CHST8: variants seen among roughly 807,000 people sequenced by gnomAD.
The protein encoded by CHST8 is GALNAC-4-ST1.
In CHST8, 10 loss-of-function variants were observed where a neutral mutation model predicts 15.0. That is an observed-to-expected ratio of 0.67 (90% CI 0.41 to 1.13). The LOEUF is 1.13. Among genes scored for constraint, CHST8 ranks in the 50% most tolerant of loss-of-function variants. The pLI is 0.00. For missense variants in CHST8, 634 were observed against 608.2 expected (o/e 1.04, Z -0.45); for synonymous variants, 259 against 256.6 (o/e 1.01, Z -0.09).
chr19:33,747,005 A>G (rs1438032253), intron 3 of CHST8, among the ~76,000 whole-genome samples: 1 of 152,190 alleles, frequency 6.6e-6, no homozygotes, highest in Non-Finnish European at 1.5e-5. Context: ...AACGGACTAT[A>G]TATCATGACA....
chr19:33,698,854 C>T (rs1167085614), intron 3 of CHST8, among the ~76,000 whole-genome samples: 1 of 152,118 alleles, frequency 6.6e-6, no homozygotes, highest in African/African-American at 2.4e-5. Context: ...CCCCTCTGCA[C>T]CTGCGTTTCC....
At chr19:33,728,321 T>C (rs910643771) in intron 3 of CHST8, among the ~76,000 whole-genome samples, 6 of 152,258 alleles carry the variant, frequency 3.9e-5, no homozygotes, top group Non-Finnish European at 7.3e-5. Context: ...TATATGCAGA[T>C]GCTGCTTTTG....
intron 1 of CHST8, among the ~76,000 whole-genome samples, chr19:33,650,501 C>CTTTTCTTTTTTT (rs1972424942): frequency 7.9e-5 from 4 of 50,924 alleles, no homozygotes; most frequent in Admixed American, 4.0e-4. Context: ...TTTTCTTTTT[C>CTTTTCTTTTTTT]TTTTTCTTTT....
chr19:33,718,634 C>G (rs146807494), intron 3 of CHST8, among the ~76,000 whole-genome samples: 1 of 152,252 alleles, frequency 6.6e-6, no homozygotes, highest in Admixed American at 6.5e-5. Context: ...CCATGGGCCC[C>G]TCTGTTTCAT....
intron 3 of CHST8, among the ~76,000 whole-genome samples, chr19:33,766,808 G>A (rs4805939): frequency 0.054 from 8,269 of 152,304 alleles, 343 homozygotes; most frequent in African/African-American, 0.12. Flanking sequence ...AATGGAAGTG[G>A]ACGTGGAGTG....
At chr19:33,700,084 G>T (rs182970964) in intron 3 of CHST8, among the ~76,000 whole-genome samples, 1 of 152,184 alleles carries the variant, frequency 6.6e-6, no homozygotes, top group East Asian at 1.9e-4. Context: ...GCAGCTGGGC[G>T]TCTAAGCCCA....
At chr19:33,697,605 G>C (rs78899666) in intron 3 of CHST8, among the ~76,000 whole-genome samples, 4,775 of 152,286 alleles carry the variant, frequency 0.031, 270 homozygotes, top group African/African-American at 0.11. Flanking sequence ...TGAGGTAAGA[G>C]AGGCTAAGAA....
At position 33,689,345 on chromosome 19, in the gene CHST8, C is replaced by A; in HGVS notation, c.84C>A (p.Phe28Leu). Residue 28 changes from phenylalanine (F) to leucine (L), a missense_variant, in exon 3 of 5, where the codon TTC becomes TTA. Phe to Leu is a conservative substitution (Grantham distance 22). Coordinates refer to ENST00000650847, the MANE Select transcript of CHST8 (RefSeq NM_001127895.2). ...TCGGAGCTGCAGGCCTCCTCCTCTT[C>A]ATCAGCCTGCAGGACCCTACGGAGC... ...LLFGAAGLLL[F>L]ISLQDPTELA... The A allele has an allele frequency of 1.2e-6, 2 of 1,609,200 alleles. No individual in the cohort carries two copies. Among genetic ancestry groups the A allele is most frequent in the Non-Finnish European group, 1.7e-6 (2 of 1,178,784 alleles).
At chr19:33,707,570 T>C (rs1973471224) in intron 3 of CHST8, among the ~76,000 whole-genome samples, 5 of 152,224 alleles carry the variant, frequency 3.3e-5, no homozygotes, top group Non-Finnish European at 7.3e-5. Flanking sequence ...GAGTCATATT[T>C]TTTGATATTT....
At chr19:33,715,266 G>A (rs1309031478) in intron 3 of CHST8, among the ~76,000 whole-genome samples, 4 of 152,184 alleles carry the variant, frequency 2.6e-5, no homozygotes, top group African/African-American at 9.7e-5. Flanking sequence ...CTCTGGCTGT[G>A]GCATCACCTG....
intron 3 of CHST8, among the ~76,000 whole-genome samples, chr19:33,755,188 G>T (rs1430863728): frequency 6.6e-6 from 1 of 151,474 alleles, no homozygotes; most frequent in African/African-American, 2.5e-5. Context: ...GAAGCCTCTG[G>T]CACTGGAAAC....
At chr19:33,693,987 G>T (rs570435720) in intron 3 of CHST8, among the ~76,000 whole-genome samples, 14 of 150,250 alleles carry the variant, frequency 9.3e-5, no homozygotes, top group Non-Finnish European at 1.2e-4. Context: ...GTGAGTCATT[G>T]TCAGTGACCC....
rs139487059 is a variant in CHST8 at position 33,771,971 on chromosome 19, C to A, written c.183C>A (p.Gly61=). The change falls in exon 5 of 5, where the codon GGC becomes GGA. Residue 61 remains glycine (G), a synonymous_variant. Transcript: ENST00000650847. ...TCTTGCCCCAGGACCTCCCACCAGG[C>A]GGCTCCCAGGATGGTGACTTGAAGG... ...PRQPHHDLPP[G]GSQDGDLKEP... is the part of the protein sequence containing the mutation. 4.5e-6 allele frequency: 7 copies of A among 1,568,988 alleles called. No individual in the cohort carries two copies. The highest frequency in any genetic ancestry group is 4.1e-5 in the African/African-American group (3 of 72,956).
In CHST8 at chr19:33,772,051, A is replaced by T; in HGVS notation, c.263A>T (p.Asn88Ile). The T allele has an allele frequency of 6.2e-7, 1 of 1,611,978 alleles. No individual in the cohort carries two copies. The highest frequency in any genetic ancestry group is 8.5e-7 in the Non-Finnish European group (1 of 1,179,648). Residue 88 changes from asparagine to isoleucine, a missense_variant, in exon 5 of 5, where the codon AAC (asparagine) becomes ATC (isoleucine). Transcript: ENST00000650847. ...TCCAGTGGGGCCCCGAGGGGCCGCA[A>T]CCTGCCAGCGCCTGACCAGCCTCAA... ...DLSSGAPRGR[N>I]LPAPDQPQPP... is the part of the protein sequence containing the mutation.
intron 2 of CHST8, among the ~76,000 whole-genome samples, chr19:33,675,919 G>C (rs1972803875): frequency 6.6e-6 from 1 of 152,192 alleles, no homozygotes; most frequent in Non-Finnish European, 1.5e-5. Flanking sequence ...CAGGCTCCCG[G>C]GTTGGGGGAG....
chr19:33,750,768 G>A (rs756144515), intron 3 of CHST8, among the ~76,000 whole-genome samples: 28 of 152,214 alleles, frequency 1.8e-4, no homozygotes, highest in South Asian at 6.2e-4. Flanking sequence ...CACCCCCAAC[G>A]GAGGGAAGAG....
At chr19:33,703,115 G>C (rs1052471955) in intron 3 of CHST8, among the ~76,000 whole-genome samples, 1 of 152,232 alleles carries the variant, frequency 6.6e-6, no homozygotes, top group African/African-American at 2.4e-5. Context: ...GGGCAGGGGA[G>C]ACTCCACTCC....
intron 3 of CHST8, among the ~76,000 whole-genome samples, chr19:33,768,616 T>C (rs1974902243): frequency 1.3e-5 from 2 of 152,082 alleles, no homozygotes; most frequent in Admixed American, 1.3e-4. Context: ...CACACCCAGC[T>C]AATTTTTTTG....
chr19:33,758,898 C>T (rs1036738471), intron 3 of CHST8, among the ~76,000 whole-genome samples: 2 of 151,980 alleles, frequency 1.3e-5, no homozygotes, highest in African/African-American at 4.8e-5. Context: ...GAAGTGTGGC[C>T]CCAGCATCCA....
Sources: allele counts gnomAD v4.1 joint callset (sites outside exome capture counted in the v4.1 genomes callset), GRCh38; gene constraint gnomAD v4.1.1; transcripts MANE v1.5; gene names NCBI Gene and HGNC (gene_info 2026-07-23, HGNC 2026-07-21).